Variants in PGAP3 observed in about 807,000 individuals in gnomAD.
PGAP3 encodes the protein post-GPI attachment to proteins phospholipase 3.
In PGAP3, 31 loss-of-function variants were observed where a neutral mutation model predicts 40.3. The observed-to-expected ratio is 0.77, with a 90% CI of 0.58 to 1.04. The LOEUF (loss-of-function observed/expected upper bound fraction) is 1.04, where lower values mean the gene tolerates loss of function less well. Among genes scored for constraint, PGAP3 ranks in the 50% least tolerant of loss-of-function variants. The pLI is 0.00. For missense variants in PGAP3, 413 were observed against 423.0 expected, an observed-to-expected ratio of 0.98 and a Z score of 0.21; for synonymous variants, 191 against 184.5, an observed-to-expected ratio of 1.04 and a Z score of -0.29.
At position 39,684,694 on chromosome 17, in the gene PGAP3, A is replaced by G. The variant is rs772138584; in HGVS notation, c.335T>C (p.Phe112Ser). The G allele has an allele frequency of 9.9e-6, 16 of 1,613,680 alleles. No individual in the cohort carries two copies. In the African/African-American group the frequency reaches 2.1e-4, roughly 22 times the overall value. The stretch of plus-strand genomic sequence containing the variant: ...CACCAGGCTGGCCAGGCCATTGAGA[A>G]ACGAGGCCACGGCCGATGCCGGCTC... ...FQEPASAVAS[F>S]LNGLASLVML... Residue 112 changes from phenylalanine to serine, a missense_variant, in exon 3 of 8, where the codon TTT (phenylalanine) becomes TCT (serine). By Grantham distance (155) the Phe-to-Ser change is radical (BLOSUM62 -2). Coordinates refer to ENST00000300658, the MANE Select transcript of PGAP3 (RefSeq NM_033419.5).
rs955696676 is a variant in PGAP3, at chr17:39,671,679, C to A, written c.*1124G>T. On this transcript the variant is annotated 3_prime_UTR_variant, in exon 8 of 8. Transcript: ENST00000300658. ...CATCCCCATTTTCCTTCCTCTGCCT[C>A]CGAGGGGCTGCTTCTGGAGGGCACT... 6 of 152,400 alleles carry A rather than the reference C, an allele frequency of 3.9e-5. No individual in the cohort carries two copies. The highest frequency in any genetic ancestry group is 8.8e-5 in the Non-Finnish European group (6 of 68,120). 9.4% of individuals were successfully genotyped at this position (152,400 alleles called of 1,614,324 possible).
chr17:39,679,721 G>A (rs1207242478), intron 3 of PGAP3, among the ~76,000 whole-genome samples: 1 of 152,166 alleles, frequency 6.6e-6, no homozygotes, highest in African/African-American at 2.4e-5. Context: ...CCGATGCCAG[G>A]CCCTGCCTAC....
chr17:39,672,773 C>A lies in PGAP3; in HGVS notation c.*30G>T, dbSNP rs764548346. 6.2e-7 allele frequency: 1 copy of A among 1,608,954 alleles called. No homozygotes were observed. On this transcript the variant is annotated 3_prime_UTR_variant, in exon 8 of 8. Transcript: ENST00000300658. ...GAGGCCAGCAGGGCGGGGGCAGGAT[C>A]CCCACTGGGGCAGACTCGCTCCAAG...
At chr17:39,673,800 G>A in intron 5 of PGAP3, 150 bp from the exon 6 acceptor site, 1 of 1,248,254 alleles carries the variant, frequency 8.0e-7, no homozygotes. Context: ...GGCAGCAAGT[G>A]CTACAGCTCC....
Position 39,673,272 on chromosome 17 carries a change from G to T in PGAP3, c.695-17C>A. On this transcript the variant is annotated splice_polypyrimidine_tract_variant and intron_variant, in intron 6 of 7. Coordinates refer to ENST00000300658, the MANE Select transcript of PGAP3 (RefSeq NM_033419.5). Reference sequence around the variant, plus strand: ...TGACCAGGCCTGGGTGCCAGTGGGGGCAGGAGAGACTCATTCCTTCGGCTC... The same window carrying T: ...TGACCAGGCCTGGGTGCCAGTGGGGTCAGGAGAGACTCATTCCTTCGGCTC... 1.3e-6 allele frequency: 2 copies of T among 1,555,750 alleles called. No homozygotes were observed. The highest frequency in any genetic ancestry group is 1.7e-6 in the Non-Finnish European group (2 of 1,150,320).
At chr17:39,675,297 G>A (rs1444513470) in intron 3 of PGAP3, among the ~76,000 whole-genome samples, 2 of 151,778 alleles carry the variant, frequency 1.3e-5, no homozygotes, top group Non-Finnish European at 2.9e-5. Flanking sequence ...GGACTGGAGG[G>A]GCTGTGGTGG....
At position 39,687,880 on chromosome 17, in the gene PGAP3, A is replaced by G. The variant is rs200697953; in HGVS notation, c.135T>C (p.Ala45=). The part of the protein sequence containing the change: ...QCEEQNCSGG[A]LNHFRSRQPI... ...GCTGGCGGGAGCGGAAGTGATTCAG[A>G]GCGCCCCCAGAGCAGTTCTGCTCTT... Residue 45 remains alanine (A), a synonymous_variant, in exon 1 of 8, where the codon GCT becomes GCC. Transcript: ENST00000300658. 7.3e-6 allele frequency: 11 copies of G among 1,504,386 alleles called. No homozygotes were observed. The South Asian group carries it at 7.5e-5, about 10-fold the overall frequency. 93.2% of individuals were successfully genotyped at this position (1,504,386 alleles called of 1,614,324 possible). A position where few individuals can be genotyped will look rare whatever the true frequency, so the allele number is the denominator to read the frequency against.
intron 3 of PGAP3, among the ~76,000 whole-genome samples, chr17:39,675,860 C>A (rs1288567463): frequency 6.6e-6 from 1 of 152,230 alleles, no homozygotes; most frequent in South Asian, 2.1e-4. Context: ...CCCTGTCTGG[C>A]CTGGGCTCTG....
chr17:39,673,893 G>A (rs1364294886), intron 5 of PGAP3, 100 bp downstream of exon 5: 6 of 1,413,948 alleles, frequency 4.2e-6, no homozygotes, highest in Non-Finnish European at 5.9e-6. Flanking sequence ...GGGCGTAGGT[G>A]TTGGGAGACT....
chr17:39,678,670 G>C (rs2057404021), intron 3 of PGAP3, among the ~76,000 whole-genome samples: 1 of 152,184 alleles, frequency 6.6e-6, no homozygotes, highest in Admixed American at 6.5e-5. Flanking sequence ...AGGAGCCTCA[G>C]TGCCCCAGAA....
chr17:39,682,016 C>A lies in PGAP3; in HGVS notation c.432+2581G>T, dbSNP rs923665589. On this transcript the variant is annotated intron_variant, in intron 3 of 7. Coordinates refer to ENST00000300658, the MANE Select transcript of PGAP3 (RefSeq NM_033419.5). ...CAGGCGGATCACGAGATCAGGAGAT[C>A]GAGACTATCCTGGCTAACATGGTGA... 7.3e-4 allele frequency among the ~76,000 whole-genome samples: 111 copies of A among 151,046 alleles called. 3 individuals carry two copies. The highest frequency in any genetic ancestry group is 2.6e-4 in the Admixed American group (4 of 15,144).
chr17:39,674,696 T>C lies in PGAP3; in HGVS notation c.433-17A>G. Reference sequence around the variant, plus strand: ...GAGGGACACCTAAGGAGGGAGGGGCTGGTGAGCATGCTGCCCCCCACCCTG... The same window carrying C: ...GAGGGACACCTAAGGAGGGAGGGGCCGGTGAGCATGCTGCCCCCCACCCTG... On this transcript the variant is annotated splice_polypyrimidine_tract_variant and intron_variant, in intron 3 of 7. Transcript: ENST00000300658. 2 of 1,547,412 alleles carry C rather than the reference T, an allele frequency of 1.3e-6. No individual in the cohort carries two copies. The highest frequency in any genetic ancestry group is 1.7e-6 in the Non-Finnish European group (2 of 1,143,598).
In PGAP3 at chr17:39,681,512, CT is replaced by C. The variant is rs568857897; in HGVS notation, c.432+3084del. Among the ~76,000 whole-genome samples, 345 of 148,958 alleles carry C rather than the reference CT, an allele frequency of 2.3e-3. 1 individual carries two copies. Among genetic ancestry groups the C allele is most frequent in the African/African-American group, 7.9e-3 (320 of 40,726 alleles). The stretch of plus-strand genomic sequence containing the variant: ...TAAATGCCACATAATCAAACTGAAA[CT>C]TTTTTTTTTTCTGAGACGGAGTTTC... On this transcript the variant is annotated intron_variant, in intron 3 of 7. Coordinates refer to ENST00000300658, the MANE Select transcript of PGAP3 (RefSeq NM_033419.5).
At chr17:39,675,354 T>C (rs1470917095) in intron 3 of PGAP3, among the ~76,000 whole-genome samples, 1 of 152,216 alleles carries the variant, frequency 6.6e-6, no homozygotes, top group Non-Finnish European at 1.5e-5. Flanking sequence ...GGAAATTAGC[T>C]GCGTGGAGAG....
intron 1 of PGAP3, 55 bp from the exon 2 acceptor site, chr17:39,686,074 A>G: frequency 6.6e-7 from 1 of 1,509,972 alleles, no homozygotes; most frequent in South Asian, 1.1e-5. Context: ...GGAAAGAGAG[A>G]GCATGAATGG....
intron 1 of PGAP3, 80 bp downstream of exon 1, chr17:39,687,754 G>A: frequency 8.8e-7 from 1 of 1,134,316 alleles, no homozygotes; most frequent in Non-Finnish European, 1.1e-6. Context: ...CTAAGGTTCA[G>A]GGATTGCAGA....
In PGAP3 at chr17:39,673,256, C is replaced by G. The variant is rs1426093227; in HGVS notation, c.695-1G>C. On this transcript the variant is annotated splice_acceptor_variant, in intron 6 of 7. Transcript: ENST00000300658. LOFTEE classifies it high-confidence loss of function. ...AGCCACCACACCACGTTGACCAGGC[C>G]TGGGTGCCAGTGGGGGCAGGAGAGA... The G allele has an allele frequency of 6.4e-7, 1 of 1,558,076 alleles. No homozygotes were observed. The highest frequency in any genetic ancestry group is 1.9e-5 in the Admixed American group (1 of 51,302).
chr17:39,682,513 C>T (rs909078341), intron 3 of PGAP3, among the ~76,000 whole-genome samples: 1 of 152,134 alleles, frequency 6.6e-6, no homozygotes, highest in African/African-American at 2.4e-5. Context: ...GCCTGGCATA[C>T]AGTATGAGCT....
intron 2 of PGAP3, 145 bp from the exon 3 acceptor site, chr17:39,684,894 C>T: frequency 1.0e-6 from 1 of 994,714 alleles, no homozygotes; most frequent in East Asian, 2.7e-5. Context: ...TTCAGTACCT[C>T]TTCAGACTAA....
Sources: allele counts gnomAD v4.1 joint callset (sites outside exome capture counted in the v4.1 genomes callset), GRCh38; gene constraint gnomAD v4.1.1; transcripts MANE v1.5; gene names NCBI Gene and HGNC (gene_info 2026-07-23, HGNC 2026-07-21).